Variants in SAMD12 observed in about 807,000 individuals in gnomAD.
The protein encoded by SAMD12 is sterile alpha motif domain containing 12.
SAMD12 carries 9 observed loss-of-function variants against 15.0 expected under a neutral mutation model. The ratio of observed to expected loss-of-function variants is 0.60; its 90% CI spans 0.36 to 1.05. The LOEUF (loss-of-function observed/expected upper bound fraction) is 1.05, where lower values mean the gene tolerates loss of function less well. Ranked by LOEUF, SAMD12 falls within the 50% of genes least tolerant of loss-of-function variation. The probability of loss-of-function intolerance (pLI) is 0.01; values close to 1 mark genes in which losing one functional copy is unlikely to be tolerated. For missense variants in SAMD12, 230 were observed against 234.2 expected (o/e 0.98, Z 0.12); for synonymous variants, 86 against 90.1 (o/e 0.96, Z 0.25).
intron 2 of SAMD12, among the ~76,000 whole-genome samples, chr8:118,467,399 C>T (rs1823624623): frequency 6.6e-6 from 1 of 152,150 alleles, no homozygotes; most frequent in Non-Finnish European, 1.5e-5. Context: ...TGATGCCTCC[C>T]ACATAGAAAA....
chr8:118,287,612 A>C (rs1473720844), intron 4 of SAMD12, among the ~76,000 whole-genome samples: 5 of 152,098 alleles, frequency 3.3e-5, no homozygotes, highest in African/African-American at 1.2e-4. Context: ...CCCGGTTTTT[A>C]CTCACCTGTA....
At chr8:118,493,078 G>A (rs1171557118) in intron 2 of SAMD12, among the ~76,000 whole-genome samples, 1 of 152,144 alleles carries the variant, frequency 6.6e-6, no homozygotes, top group Non-Finnish European at 1.5e-5. Flanking sequence ...CCAGTGATTT[G>A]TTAGAAGTCA....
At chr8:118,534,356 C>A (rs566055046) in intron 2 of SAMD12, among the ~76,000 whole-genome samples, 1 of 152,138 alleles carries the variant, frequency 6.6e-6, no homozygotes, top group Non-Finnish European at 1.5e-5. Flanking sequence ...CCCGACCTTG[C>A]TCTCTGGCTG....
chr8:118,190,441 TGAA>T (rs1819333237), exon 5 of SAMD12: 1 of 151,722 alleles, frequency 6.6e-6, no homozygotes. Context: ...CTTTGGGAGG[TGAA>T]GAAGTGGAAA....
At chr8:118,293,735 A>C (rs550583042) in intron 4 of SAMD12, among the ~76,000 whole-genome samples, 11 of 152,320 alleles carry the variant, frequency 7.2e-5, no homozygotes, top group Non-Finnish European at 1.3e-4. Flanking sequence ...TCTCAAAGTG[A>C]TATCCCCTAC....
chr8:118,310,850 G>A (rs1199636063), intron 4 of SAMD12, among the ~76,000 whole-genome samples: 2 of 152,122 alleles, frequency 1.3e-5, no homozygotes, highest in Non-Finnish European at 2.9e-5. Flanking sequence ...TCCTTCACCT[G>A]AGCCCTAACT....
At chr8:118,594,584 G>C (rs1827673461) in intron 1 of SAMD12, among the ~76,000 whole-genome samples, 1 of 152,170 alleles carries the variant, frequency 6.6e-6, no homozygotes, top group Admixed American at 6.5e-5. Context: ...AATAATAAGA[G>C]GCTGCAAAAT....
the SAMD12 span, among the ~76,000 whole-genome samples, chr8:118,143,891 G>T: frequency 6.6e-6 from 1 of 152,142 alleles, no homozygotes. Flanking sequence ...TCTTGTGGCT[G>T]CTATAACAAA....
At chr8:118,271,580 A>G (rs1813356538) in intron 4 of SAMD12, among the ~76,000 whole-genome samples, 1 of 152,218 alleles carries the variant, frequency 6.6e-6, no homozygotes, top group African/African-American at 2.4e-5. Context: ...ATCTCATCTG[A>G]GACAAGGCAA....
Position 118,213,849 on chromosome 8 carries a change from C to T in SAMD12, c.434-16117G>A, listed in dbSNP as rs17485015. Reference sequence around the variant, plus strand: ...AGCTCCTAAAGTCTTATTCCTTAGCCCTCATAGGACTATATCATGAGATGA... The same window carrying T: ...AGCTCCTAAAGTCTTATTCCTTAGCTCTCATAGGACTATATCATGAGATGA... On this transcript the variant is annotated intron_variant, in intron 4 of 4. Transcript: ENST00000409003. Among the ~76,000 whole-genome samples, 283 of 152,186 alleles carry T rather than the reference C, an allele frequency of 1.9e-3. 1 individual carries two copies. Among genetic ancestry groups the T allele is most frequent in the African/African-American group, 6.6e-3 (273 of 41,512 alleles).
intron 2 of SAMD12, among the ~76,000 whole-genome samples, chr8:118,577,196 G>C (rs953509997): frequency 5.3e-5 from 8 of 151,862 alleles, no homozygotes; most frequent in Non-Finnish European, 1.0e-4. Context: ...GTTTCTCTTT[G>C]GTCTGTAAGA....
At chr8:118,132,979 TATATATATATATA>T in the SAMD12 span, among the ~76,000 whole-genome samples, 1 of 12,010 alleles carries the variant, frequency 8.3e-5, no homozygotes, top group Non-Finnish European at 1.7e-4. Flanking sequence ...TGTGTATATA[TATATATATATATA>T]TATATATATA....
At chr8:118,558,543 CTTTTGT>C (rs887689151) in intron 2 of SAMD12, among the ~76,000 whole-genome samples, 7 of 151,934 alleles carry the variant, frequency 4.6e-5, no homozygotes, top group Non-Finnish European at 1.0e-4. Flanking sequence ...TGAGCTAAGA[CTTTTGT>C]TTTTGTTTTT....
intron 4 of SAMD12, among the ~76,000 whole-genome samples, chr8:118,269,255 T>A (rs1034617855): frequency 7.1e-6 from 1 of 141,730 alleles, no homozygotes; most frequent in Non-Finnish European, 1.5e-5. Flanking sequence ...TGTGTGTGTG[T>A]GTGTGTAAGC....
At chr8:118,559,219 C>T (rs763023471) in intron 2 of SAMD12, among the ~76,000 whole-genome samples, 1 of 151,998 alleles carries the variant, frequency 6.6e-6, no homozygotes, top group Non-Finnish European at 1.5e-5. Context: ...TTTTTTCCCC[C>T]CTACCTAGAA....
chr8:118,306,030 G>T (rs1311349694), intron 4 of SAMD12, among the ~76,000 whole-genome samples: 1 of 152,122 alleles, frequency 6.6e-6, no homozygotes, highest in Non-Finnish European at 1.5e-5. Flanking sequence ...TTACTTCGAG[G>T]TTCTGCCTTG....
Position 118,472,886 on chromosome 8 carries a change from GA to G in SAMD12, c.193-32926del, listed in dbSNP as rs35896929. On this transcript the variant is annotated intron_variant, in intron 2 of 3. Coordinates refer to ENST00000314727, the MANE Select transcript of SAMD12 (RefSeq NM_207506.3). Reference sequence around the variant, plus strand: ...ATTGCCTTGCTGTAGATTTTGACAGGAAAAAAAAAAAGGCTTAAAATTGTCT... The same window carrying G: ...ATTGCCTTGCTGTAGATTTTGACAGGAAAAAAAAAAGGCTTAAAATTGTCT... Among the ~76,000 whole-genome samples the G allele has an allele frequency of 3.7e-4, 54 of 147,238 alleles. 1 individual carries two copies. Among genetic ancestry groups the G allele is most frequent in the African/African-American group, 1.3e-3 (51 of 40,102 alleles).
At chr8:118,594,478 C>T (rs1827668960) in intron 1 of SAMD12, among the ~76,000 whole-genome samples, 1 of 152,124 alleles carries the variant, frequency 6.6e-6, no homozygotes, top group South Asian at 2.1e-4. Flanking sequence ...GGTTTGAGTA[C>T]TTCTATGCAA....
intron 3 of SAMD12, among the ~76,000 whole-genome samples, chr8:118,428,414 G>GAAAGAAAAGAAAAGAAAAGA (rs60190865): frequency 6.7e-6 from 1 of 149,836 alleles, no homozygotes; most frequent in Non-Finnish European, 1.5e-5. Flanking sequence ...CAATAACAAA[G>GAAAGAAAAGAAAAGAAAAGA]AAAGAAAAGA....
Sources: gnomAD v4.1 joint callset for allele counts (sites outside exome capture counted in the v4.1 genomes callset) on GRCh38, gnomAD v4.1.1 for gene constraint, MANE v1.5 for transcripts, NCBI Gene and HGNC (gene_info 2026-07-23, HGNC 2026-07-21) for gene names.